Variants in SLC5A4 observed in about 807,000 individuals in gnomAD.
SLC5A4 encodes probable glucose sensor protein SLC5A4.
In SLC5A4, 55 loss-of-function variants were observed where a neutral mutation model predicts 70.3. The ratio of observed to expected loss-of-function variants is 0.78; its 90% confidence interval spans 0.63 to 0.98. The LOEUF is 0.98. Ranked by LOEUF, SLC5A4 falls within the 50% of genes least tolerant of loss-of-function variation. The pLI, the probability that SLC5A4 is intolerant of heterozygous loss-of-function variation, is 0.00. For synonymous variants in SLC5A4, 268 were observed against 305.7 expected (o/e 0.88, Z 1.29); for missense variants, 735 against 839.2 (o/e 0.88, Z 1.53).
At chr22:32,272,012 G>A in the SLC5A4 span, 6 of 626,196 alleles carry the variant, frequency 9.6e-6, no homozygotes, top group East Asian at 2.9e-5. Flanking sequence ...CCCAGGAGGC[G>A]GCCTTATCTA....
At chr22:32,293,756 A>G in the SLC5A4 span, among the ~76,000 whole-genome samples, 6 of 152,096 alleles carry the variant, frequency 3.9e-5, no homozygotes, top group East Asian at 1.9e-4. Flanking sequence ...TTTACTGTCT[A>G]AAGAAGACAC....
At chr22:32,290,513 TTTTTA>T in the SLC5A4 span, among the ~76,000 whole-genome samples, 435 of 152,350 alleles carry the variant, frequency 2.9e-3, 1 homozygote, top group African/African-American at 8.6e-3. Context: ...AAACTTGTAC[TTTTTA>T]TTTTATATTT....
At chr22:32,310,131 G>A in the SLC5A4 span, among the ~76,000 whole-genome samples, 1 of 152,050 alleles carries the variant, frequency 6.6e-6, no homozygotes. Flanking sequence ...AAATCTCAAG[G>A]GATGCTTACG....
chr22:32,299,065 T>G, the SLC5A4 span, among the ~76,000 whole-genome samples: 1 of 139,614 alleles, frequency 7.2e-6, no homozygotes, highest in Non-Finnish European at 1.6e-5. Context: ...TAACCCGACC[T>G]TTCTCTCTGG....
chr22:32,312,111 C>A, the SLC5A4 span, among the ~76,000 whole-genome samples: 1 of 152,040 alleles, frequency 6.6e-6, no homozygotes, highest in South Asian at 2.1e-4. Context: ...GCCTGAGATG[C>A]GTCCCTGAGT....
Position 32,254,141 on chromosome 22 carries a change from C to T in SLC5A4, c.207+1G>A, listed in dbSNP as rs1307383181. The T allele has an allele frequency of 1.2e-6, 2 of 1,612,376 alleles. No homozygotes were observed. Among genetic ancestry groups the T allele is most frequent in the Non-Finnish European group, 1.7e-6 (2 of 1,178,374 alleles). On this transcript the variant is annotated splice_donor_variant, in intron 2 of 14. Transcript: ENST00000266086. LOFTEE classifies it high-confidence loss of function. ...TCTCCAGAAAACTTCGATCCACTTA[C>T]CGGCCACCAGGCCATATCACGACCA...
At chr22:32,331,599 A>T in the SLC5A4 span, among the ~76,000 whole-genome samples, 1 of 152,114 alleles carries the variant, frequency 6.6e-6, no homozygotes, top group African/African-American at 2.4e-5. Context: ...TGGGGTGGAG[A>T]TGACAAAGCT....
intron 8 of SLC5A4, among the ~76,000 whole-genome samples, chr22:32,234,192 G>A (rs964632224): frequency 2.0e-5 from 3 of 152,176 alleles, no homozygotes; most frequent in African/African-American, 7.2e-5. Context: ...AGGGTTATAG[G>A]GTCTGAGAGC....
rs545943857 is a variant in SLC5A4 at position 32,235,093 on chromosome 22, G to A, written c.665C>T (p.Ala222Val). 1.2e-5 allele frequency: 20 copies of A among 1,603,122 alleles called. No individual in the cohort carries two copies. The East Asian group carries it at 4.5e-4, about 36-fold the overall frequency. ...CTCATAACCTCCAACTTCGTTAAAT[G>A]CTAAAAAGGCATCAGAGTAAAATGA... ...LIGSFILMGF[A>V]FNEVGGYESF... Residue 222 changes from alanine (A) to valine (V), a missense_variant and splice_region_variant, in exon 8 of 15, where the codon GCA (alanine) becomes GTA (valine). Ala to Val is a moderately conservative substitution (Grantham distance 64). Coordinates refer to ENST00000266086, the MANE Select transcript of SLC5A4 (RefSeq NM_014227.3).
the SLC5A4 span, among the ~76,000 whole-genome samples, chr22:32,337,300 A>T: frequency 6.6e-6 from 1 of 152,228 alleles, no homozygotes; most frequent in African/African-American, 2.4e-5. Context: ...TGGGAGGCCA[A>T]GGCAGGCGGA....
chr22:32,270,399 C>A, the SLC5A4 span: 3 of 1,452,318 alleles, frequency 2.1e-6, no homozygotes, highest in Non-Finnish European at 2.9e-6. Flanking sequence ...AGCTTCCCGG[C>A]TGCTACGACA....
chr22:32,234,270 G>A lies in SLC5A4; in HGVS notation c.885+603C>T, dbSNP rs62239052. ...CTCACAGACTGCACACTGAGCACAA[G>A]GATTTAGGGAACAGAAATAAATGCC... On this transcript the variant is annotated intron_variant, in intron 8 of 14. Coordinates refer to ENST00000266086, the MANE Select transcript of SLC5A4 (RefSeq NM_014227.3). Among the ~76,000 whole-genome samples, 1,446 of 152,246 alleles carry A rather than the reference G, an allele frequency of 9.5e-3. 7 individuals are homozygous for A. The highest frequency in any genetic ancestry group is 0.027 in the South Asian group (128 of 4,820).
the SLC5A4 span, among the ~76,000 whole-genome samples, chr22:32,351,863 G>C: frequency 6.6e-6 from 1 of 151,156 alleles, no homozygotes; most frequent in South Asian, 2.1e-4. Flanking sequence ...GGAGGAGGAG[G>C]AGAAACAAGA....
chr22:32,334,588 T>C, the SLC5A4 span, among the ~76,000 whole-genome samples: 4,153 of 152,148 alleles, frequency 0.027, 177 homozygotes, highest in African/African-American at 0.094. Context: ...CCTGACCAAG[T>C]CCCCGTGCTT....
chr22:32,294,072 T>G, the SLC5A4 span, among the ~76,000 whole-genome samples: 2 of 152,020 alleles, frequency 1.3e-5, no homozygotes, highest in African/African-American at 4.8e-5. Context: ...TTCAGTTTAG[T>G]AGAGCTTCTT....
At chr22:32,323,149 C>T in the SLC5A4 span, among the ~76,000 whole-genome samples, 4 of 152,136 alleles carry the variant, frequency 2.6e-5, no homozygotes, top group African/African-American at 7.2e-5. Flanking sequence ...GAGATTGGCT[C>T]GAGACAACAG....
chr22:32,313,042 G>A, the SLC5A4 span, among the ~76,000 whole-genome samples: 2 of 152,100 alleles, frequency 1.3e-5, no homozygotes, highest in African/African-American at 2.4e-5. Flanking sequence ...TCTGGCTCAT[G>A]CAATAAGGCA....
the SLC5A4 span, among the ~76,000 whole-genome samples, chr22:32,327,949 A>G: frequency 1.4e-4 from 22 of 152,282 alleles, no homozygotes; most frequent in East Asian, 4.0e-3. Context: ...AGAGTCCTAC[A>G]GGCCCCAGCC....
At chr22:32,334,116 A>G in the SLC5A4 span, among the ~76,000 whole-genome samples, 1 of 146,842 alleles carries the variant, frequency 6.8e-6, no homozygotes, top group Non-Finnish European at 1.5e-5. Context: ...AGACCCACAC[A>G]ATATACATAT....
Sources: gnomAD v4.1 joint callset for allele counts (sites outside exome capture counted in the v4.1 genomes callset) on GRCh38, gnomAD v4.1.1 for gene constraint, MANE v1.5 for transcripts, NCBI Gene and HGNC (gene_info 2026-07-23, HGNC 2026-07-21) for gene names.